Variants in CNTLN observed in about 807,000 individuals in gnomAD.
CNTLN encodes centlein.
CNTLN carries 212 observed loss-of-function variants against 180.0 expected under a neutral mutation model. The ratio of observed to expected loss-of-function variants is 1.18; its 90% confidence interval spans 1.05 to 1.32. CNTLN has a LOEUF of 1.32. Among genes scored for constraint, CNTLN ranks in the 40% most tolerant of loss-of-function variants. The pLI, the probability that CNTLN is intolerant of heterozygous loss-of-function variation, is 0.00. For synonymous variants in CNTLN, 722 were observed against 563.1 expected (o/e 1.28, Z -3.99); for missense variants, 2,095 against 1,610.9 (o/e 1.30, Z -5.14).
chr9:17,138,160 A>G (rs1326121964), intron 1 of CNTLN, among the ~76,000 whole-genome samples: 2 of 152,182 alleles, frequency 1.3e-5, no homozygotes, highest in South Asian at 2.1e-4. Context: ...AATTTTGATT[A>G]TATATTTCAA....
intron 7 of CNTLN, among the ~76,000 whole-genome samples, chr9:17,307,754 A>G (rs1412743018): frequency 6.6e-6 from 1 of 152,106 alleles, no homozygotes. Context: ...ATGCATACAG[A>G]AATGTACACA....
intron 3 of CNTLN, among the ~76,000 whole-genome samples, chr9:17,234,758 C>A (rs1216719966): frequency 2.0e-5 from 3 of 152,058 alleles, no homozygotes; most frequent in Non-Finnish European, 4.4e-5. Flanking sequence ...GACTTGGAGG[C>A]TTCCAATAAT....
intron 16 of CNTLN, among the ~76,000 whole-genome samples, chr9:17,412,271 G>C (rs974335367): frequency 2.6e-5 from 4 of 152,130 alleles, no homozygotes; most frequent in African/African-American, 9.7e-5. Flanking sequence ...CCATTCAAAT[G>C]AGATTCAAGT....
the CNTLN span, among the ~76,000 whole-genome samples, chr9:17,528,450 C>G: frequency 1.1e-4 from 16 of 152,178 alleles, no homozygotes; most frequent in Non-Finnish European, 2.2e-4. Flanking sequence ...AATACTCGAC[C>G]AGAGCTCCTC....
chr9:17,521,875 C>G, the CNTLN span, among the ~76,000 whole-genome samples: 1 of 152,090 alleles, frequency 6.6e-6, no homozygotes, highest in Non-Finnish European at 1.5e-5. Flanking sequence ...ATTGCAAATG[C>G]TGATTTATTT....
intron 6 of CNTLN, among the ~76,000 whole-genome samples, chr9:17,297,361 A>G (rs879525620): frequency 1.3e-5 from 2 of 152,222 alleles, no homozygotes; most frequent in Admixed American, 6.5e-5. Context: ...TCCCATAGAT[A>G]ATAAGAGACT....
chr9:17,185,475 A>G (rs1821371174), intron 2 of CNTLN, among the ~76,000 whole-genome samples: 2 of 152,164 alleles, frequency 1.3e-5, no homozygotes, highest in African/African-American at 4.8e-5. Context: ...TTTTCTTTTT[A>G]ATTGTCATTT....
At chr9:17,219,948 C>T (rs1034769602) in intron 2 of CNTLN, among the ~76,000 whole-genome samples, 5 of 151,770 alleles carry the variant, frequency 3.3e-5, no homozygotes, top group African/African-American at 1.2e-4. Flanking sequence ...AGGAGTAATC[C>T]TCATGACCCT....
the CNTLN span, among the ~76,000 whole-genome samples, chr9:17,516,453 C>T: frequency 1.3e-5 from 2 of 152,074 alleles, no homozygotes; most frequent in South Asian, 2.1e-4. Context: ...CATGAAGACC[C>T]GAAGACCCAG....
At chr9:17,361,774 T>C (rs982275955) in intron 12 of CNTLN, among the ~76,000 whole-genome samples, 2 of 152,244 alleles carry the variant, frequency 1.3e-5, no homozygotes, top group African/African-American at 4.8e-5. Flanking sequence ...GGGCTCTCTC[T>C]GTTTATTTGC....
chr9:17,463,009 GA>G lies in CNTLN; in HGVS notation c.3404del (p.Lys1135ArgfsTer9). ...AGAAGAACACATAAAGGAAATGCAT[GA>G]AAAGTATGGTTTTTGTATTTCTATC... is the stretch of plus-strand genomic sequence containing the variant. ...AKEEHIKEMH[E>X]KISRMERDIT... On this transcript the variant is annotated frameshift_variant, in exon 20 of 26. Transcript: ENST00000380647. LOFTEE classifies it high-confidence loss of function. The G allele has an allele frequency of 1.3e-6, 2 of 1,563,368 alleles. No individual in the cohort carries two copies. Among genetic ancestry groups the G allele is most frequent in the Non-Finnish European group, 1.7e-6 (2 of 1,153,352 alleles).
chr9:17,527,221 C>G, the CNTLN span, among the ~76,000 whole-genome samples: 2 of 152,118 alleles, frequency 1.3e-5, no homozygotes, highest in Non-Finnish European at 2.9e-5. Flanking sequence ...TGACACATCA[C>G]TGTCCATTAC....
intron 13 of CNTLN, among the ~76,000 whole-genome samples, chr9:17,373,447 A>G (rs941204506): frequency 1.3e-5 from 2 of 152,150 alleles, no homozygotes; most frequent in African/African-American, 4.8e-5. Flanking sequence ...AATAAAAACT[A>G]TAGAATATTG....
chr9:17,497,001 T>C (rs554337694), intron 25 of CNTLN, among the ~76,000 whole-genome samples: 9 of 152,060 alleles, frequency 5.9e-5, no homozygotes, highest in African/African-American at 2.2e-4. Flanking sequence ...TTGGAGAAGG[T>C]GGGGTAAAGT....
intron 18 of CNTLN, among the ~76,000 whole-genome samples, chr9:17,456,284 CA>C (rs750360206): frequency 3.9e-5 from 6 of 152,030 alleles, no homozygotes; most frequent in Non-Finnish European, 8.8e-5. Context: ...AACTCATGAA[CA>C]AATTTCATGG....
intron 18 of CNTLN, among the ~76,000 whole-genome samples, chr9:17,424,077 T>G (rs1322237893): frequency 6.6e-6 from 1 of 152,116 alleles, no homozygotes; most frequent in Non-Finnish European, 1.5e-5. Flanking sequence ...GTCACTGGAG[T>G]TCTGTTTGGC....
intron 6 of CNTLN, among the ~76,000 whole-genome samples, chr9:17,283,174 T>G (rs1554676900): frequency 6.6e-6 from 1 of 152,206 alleles, no homozygotes. Flanking sequence ...TAAATTACTT[T>G]GGGCAGTGTG....
rs141470131 is a variant in CNTLN at position 17,418,413 on chromosome 9, T to C, written c.3114+2224T>C. ...ATTCTCTTTAGTTAATACATTGGTA[T>C]AGTCTTTCTGGGCTCTAACATAATA... is the stretch of plus-strand genomic sequence containing the variant. On this transcript the variant is annotated intron_variant, in intron 18 of 25. Transcript: ENST00000380647. 4.7e-3 allele frequency among the ~76,000 whole-genome samples: 711 copies of C among 152,096 alleles called. 5 individuals are homozygous for C. Among genetic ancestry groups the C allele is most frequent in the African/African-American group, 0.016 (666 of 41,570 alleles).
intron 2 of CNTLN, among the ~76,000 whole-genome samples, chr9:17,215,688 G>A (rs542083119): frequency 3.4e-4 from 52 of 152,240 alleles, no homozygotes; most frequent in Non-Finnish European, 6.8e-4. Context: ...CTTGAACTGC[G>A]GTGGGCTCCA....
Sources: gnomAD v4.1 joint callset for allele counts (sites outside exome capture counted in the v4.1 genomes callset) on GRCh38, gnomAD v4.1.1 for gene constraint, MANE v1.5 for transcripts, NCBI Gene and HGNC (gene_info 2026-07-23, HGNC 2026-07-21) for gene names.